Variants in LTBP1 observed in about 807,000 individuals in gnomAD.
LTBP1 encodes latent transforming growth factor beta binding protein 1.
A neutral mutation model predicts 207.6 loss-of-function variants in LTBP1; 129 were observed. The observed-to-expected ratio is 0.62, with a 90% CI of 0.54 to 0.72. The LOEUF (loss-of-function observed/expected upper bound fraction) is 0.72, where lower values mean the gene tolerates loss of function less well. Ranked by LOEUF, LTBP1 falls within the 30% of genes least tolerant of loss-of-function variation. The pLI is 0.00. For missense variants in LTBP1, 2,281 were observed against 2,217.2 expected, an observed-to-expected ratio of 1.03 and a Z score of -0.58; for synonymous variants, 963 against 833.7, an observed-to-expected ratio of 1.16 and a Z score of -2.67.
intron 20 of LTBP1, among the ~76,000 whole-genome samples, chr2:33,299,351 G>A (rs2093940881): frequency 6.6e-6 from 1 of 151,966 alleles, no homozygotes; most frequent in Non-Finnish European, 1.5e-5. Context: ...ACTTTTAGAT[G>A]CATTTTAAAT....
At chr2:33,069,251 T>C (rs535829001) in intron 3 of LTBP1, among the ~76,000 whole-genome samples, 1 of 152,120 alleles carries the variant, frequency 6.6e-6, no homozygotes, top group Non-Finnish European at 1.5e-5. Flanking sequence ...GGGAGAAAGA[T>C]GCCCCTGGCT....
At position 33,190,655 on chromosome 2, in the gene LTBP1, T is replaced by C. The variant is rs78566955; in HGVS notation, c.1701+1804T>C. Among the ~76,000 whole-genome samples, 535 of 152,346 alleles carry C rather than the reference T, an allele frequency of 3.5e-3. 18 individuals are homozygous for C. Among genetic ancestry groups the C allele is most frequent in the Admixed American group, 0.026 (404 of 15,298 alleles). On this transcript the variant is annotated intron_variant, in intron 7 of 33. Transcript: ENST00000404816. Reference sequence around the variant, plus strand: ...TTTGTTAAGATTAATCAAGATAATGTGAGCCCTGCTTTGCAAATATTATAG... The same window carrying C: ...TTTGTTAAGATTAATCAAGATAATGCGAGCCCTGCTTTGCAAATATTATAG...
intron 31 of LTBP1, among the ~76,000 whole-genome samples, chr2:33,370,359 C>T (rs1414828132): frequency 6.6e-6 from 1 of 152,156 alleles, no homozygotes; most frequent in African/African-American, 2.4e-5. Context: ...ACCACTGCTT[C>T]GTAAACATTA....
At chr2:33,237,359 C>G (rs2092100183) in intron 9 of LTBP1, among the ~76,000 whole-genome samples, 1 of 152,180 alleles carries the variant, frequency 6.6e-6, no homozygotes, top group South Asian at 2.1e-4. Flanking sequence ...GCAGAGGTCT[C>G]ACAAAGTCTG....
chr2:33,372,744 A>G (rs921949052), intron 31 of LTBP1, among the ~76,000 whole-genome samples: 13 of 152,132 alleles, frequency 8.5e-5, no homozygotes, highest in African/African-American at 2.7e-4. Context: ...CATGCCTGCA[A>G]TCCTAGCTAC....
intron 3 of LTBP1, among the ~76,000 whole-genome samples, chr2:33,033,714 C>G (rs369831007): frequency 4.5e-4 from 69 of 151,742 alleles, no homozygotes; most frequent in African/African-American, 1.6e-3. Flanking sequence ...GAGACGCTGC[C>G]TCTAGTGTTT....
At chr2:33,042,805 A>G (rs940428113) in intron 3 of LTBP1, among the ~76,000 whole-genome samples, 1 of 152,200 alleles carries the variant, frequency 6.6e-6, no homozygotes, top group Admixed American at 6.5e-5. Context: ...TTATGTTGTT[A>G]CGCTAATAAA....
At chr2:33,234,566 T>C (rs1050196960) in intron 9 of LTBP1, among the ~76,000 whole-genome samples, 1 of 151,962 alleles carries the variant, frequency 6.6e-6, no homozygotes, top group African/African-American at 2.4e-5. Context: ...CTCAAAGAAA[T>C]AAGAGAGGAC....
At chr2:33,080,885 C>T (rs942918910) in intron 3 of LTBP1, among the ~76,000 whole-genome samples, 1 of 152,128 alleles carries the variant, frequency 6.6e-6, no homozygotes, top group Non-Finnish European at 1.5e-5. Context: ...GAGTATTTTC[C>T]TTACCCATTG....
In LTBP1 at chr2:32,948,927, T is replaced by TC; in HGVS notation, c.550dup (p.Gln184ProfsTer7). On this transcript the variant is annotated frameshift_variant, in exon 2 of 34. Coordinates refer to ENST00000404816, the MANE Select transcript of LTBP1 (RefSeq NM_206943.4). LOFTEE classifies it high-confidence loss of function. ...TCATGGCTGGAGTAAGGCCCCTGGC[T>TC]CCCAGAGGTGCACCAAACGTAAGTT... 1 of 1,614,116 alleles carries TC rather than the reference T, an allele frequency of 6.2e-7. No individual in the cohort carries two copies. Among genetic ancestry groups the TC allele is most frequent in the Non-Finnish European group, 8.5e-7 (1 of 1,180,022 alleles).
At chr2:33,231,830 A>G (rs2091808111) in intron 9 of LTBP1, among the ~76,000 whole-genome samples, 1 of 152,332 alleles carries the variant, frequency 6.6e-6, no homozygotes, top group South Asian at 2.1e-4. Context: ...GGGCTTTGTG[A>G]TACGTGCTGG....
chr2:32,987,196 G>C (rs1233427493), intron 2 of LTBP1, among the ~76,000 whole-genome samples: 1 of 152,208 alleles, frequency 6.6e-6, no homozygotes, highest in African/African-American at 2.4e-5. Flanking sequence ...GTGGGTATGT[G>C]ATTGGATGGG....
chr2:33,313,057 A>G (rs981010997), intron 23 of LTBP1, among the ~76,000 whole-genome samples: 2 of 152,244 alleles, frequency 1.3e-5, no homozygotes, highest in African/African-American at 4.8e-5. Context: ...AGATATTACC[A>G]ATAGGTAGAG....
intron 24 of LTBP1, among the ~76,000 whole-genome samples, chr2:33,329,870 T>C (rs1310422317): frequency 2.6e-5 from 4 of 152,072 alleles, no homozygotes; most frequent in Non-Finnish European, 5.9e-5. Flanking sequence ...TCTTGGCCCT[T>C]TGCATTTCTA....
chr2:33,333,903 A>G (rs1187891084), intron 24 of LTBP1, among the ~76,000 whole-genome samples: 2 of 152,134 alleles, frequency 1.3e-5, no homozygotes, highest in African/African-American at 2.4e-5. Context: ...GCTCTGAGAA[A>G]TGCCAACATA....
At chr2:33,177,899 G>T (rs1052701065) in intron 5 of LTBP1, among the ~76,000 whole-genome samples, 1 of 152,206 alleles carries the variant, frequency 6.6e-6, no homozygotes, top group African/African-American at 2.4e-5. Flanking sequence ...TTACAAATTT[G>T]TGGGCATAGA....
At chr2:33,279,303 A>G (rs570019970) in intron 18 of LTBP1, among the ~76,000 whole-genome samples, 25 of 152,098 alleles carry the variant, frequency 1.6e-4, no homozygotes, top group African/African-American at 5.1e-4. Context: ...AAATGCCTCA[A>G]GCTGTCGTAG....
chr2:33,055,562 G>C (rs1456324849), intron 3 of LTBP1, among the ~76,000 whole-genome samples: 1 of 152,152 alleles, frequency 6.6e-6, no homozygotes, highest in Non-Finnish European at 1.5e-5. Context: ...TCATTTACTT[G>C]ACTAAGATAC....
chr2:33,338,412 A>G (rs889368220), intron 24 of LTBP1, among the ~76,000 whole-genome samples: 1 of 152,236 alleles, frequency 6.6e-6, no homozygotes, highest in Non-Finnish European at 1.5e-5. Flanking sequence ...TCCTTCAGGA[A>G]TCTGGACTGA....
Sources: gnomAD v4.1 joint callset for allele counts (sites outside exome capture counted in the v4.1 genomes callset) on GRCh38, gnomAD v4.1.1 for gene constraint, MANE v1.5 for transcripts, NCBI Gene and HGNC (gene_info 2026-07-23, HGNC 2026-07-21) for gene names.